Variants in PRRC2A observed in about 807,000 individuals in gnomAD.
PRRC2A encodes protein PRRC2A.
Under a neutral mutation model 224.6 loss-of-function variants are expected in PRRC2A, and 59 were observed. That is an observed-to-expected ratio of 0.26 (90% confidence interval 0.21 to 0.33). The LOEUF (loss-of-function observed/expected upper bound fraction) is 0.33. Ranked by LOEUF, PRRC2A falls within the 10% of genes least tolerant of loss-of-function variation. PRRC2A has a pLI of 1.00. For missense variants in PRRC2A, 3,095 were observed against 2,880.7 expected, an observed-to-expected ratio of 1.07 and a Z score of -1.70; for synonymous variants, 1,194 against 1,109.5, an observed-to-expected ratio of 1.08 and a Z score of -1.51.
intron 30 of PRRC2A, 38 bp downstream of exon 30, chr6:31,637,362 G>A (rs774275864): frequency 1.1e-5 from 18 of 1,601,902 alleles, no homozygotes; most frequent in South Asian, 7.7e-5. Flanking sequence ...CTCTAAATTC[G>A]AGTTGCCACC....
chr6:31,637,544 G>A lies in PRRC2A; in HGVS notation c.6432G>A (p.Gly2144=). 6.3e-7 allele frequency: 1 copy of A among 1,592,824 alleles called. No homozygotes were observed. Among genetic ancestry groups the A allele is most frequent in the Non-Finnish European group, 8.5e-7 (1 of 1,170,384 alleles). Residue 2144 remains glycine, a synonymous_variant, in exon 31 of 31, where the codon GGG becomes GGA. Transcript: ENST00000376033. ...CCTCCCGACGGGCAGAGGAGCCTGG[G>A]TCCCGAGGGGACAAGGAGCCTGGGT... ...EGPSRRAEEP[G]SRGDKEPGLP...
At chr6:31,637,389 C>G in intron 30 of PRRC2A, 57 bp from the exon 31 acceptor site, 1 of 1,598,386 alleles carries the variant, frequency 6.3e-7, no homozygotes, top group Non-Finnish European at 8.5e-7. Context: ...CCTGTCCTTC[C>G]GTCTCATCGC....
rs1236599082 is a variant in PRRC2A, at chr6:31,634,944, A to G, written c.5127A>G (p.Arg1709=). 8 of 1,612,708 alleles carry G rather than the reference A, an allele frequency of 5.0e-6. No individual in the cohort carries two copies. Among genetic ancestry groups the G allele is most frequent in the Non-Finnish European group, 5.1e-6 (6 of 1,179,856 alleles). ...CACCTGGCTCTGAACCTCCTAGGAG[A>G]CCACCACCTGCCCCCCACGATGGGG... The part of the protein sequence containing the change: ...EGPPGSEPPR[R]PPPAPHDGDR... The change falls in exon 21 of 31, where the codon AGA becomes AGG. Residue 1709 remains arginine (R), a synonymous_variant. Coordinates refer to ENST00000376033, the MANE Select transcript of PRRC2A (RefSeq NM_004638.4).
Position 31,636,882 on chromosome 6 carries a change from T to A in PRRC2A, c.6084T>A (p.Ala2028=), listed in dbSNP as rs1487261047. 6.2e-7 allele frequency: 1 copy of A among 1,612,968 alleles called. No homozygotes were observed. Among genetic ancestry groups the A allele is most frequent in the East Asian group, 2.2e-5 (1 of 44,872 alleles). ...GCCTGGCTGTGCGGCCCCCACCTGC[T>A]CCTGCTACTCGGGTGCTGCCTTCAC... ...PPSLAVRPPP[A]PATRVLPSPA... The change falls in exon 28 of 31, where the codon GCT becomes GCA. Residue 2028 remains alanine, a synonymous_variant. Coordinates refer to ENST00000376033, the MANE Select transcript of PRRC2A (RefSeq NM_004638.4). The surrounding 1 kb of genome is among the most constrained non-coding windows in gnomAD (Gnocchi z 4.3).
intron 5 of PRRC2A, chr6:31,624,887 C>T (rs1285710429): frequency 5.7e-6 from 3 of 523,682 alleles, no homozygotes; most frequent in Non-Finnish European, 6.8e-6. Context: ...CAACCTCTGC[C>T]TCCTGGGTTC....
intron 13 of PRRC2A, 27 bp downstream of exon 13, chr6:31,629,361 G>A: frequency 6.5e-7 from 1 of 1,536,208 alleles, no homozygotes; most frequent in South Asian, 1.3e-5. Context: ...TACCCTCTAA[G>A]GGCTGCTTTT....
At position 31,631,186 on chromosome 6, in the gene PRRC2A, A is replaced by T; in HGVS notation, c.2513A>T (p.Tyr838Phe). 6.3e-7 allele frequency: 1 copy of T among 1,582,572 alleles called. No homozygotes were observed. The highest frequency in any genetic ancestry group is 8.6e-7 in the Non-Finnish European group (1 of 1,165,042). ...VPPPPPYLAS[Y>F]PGFPENGAPG... ...CCCCCACCACCCTATCTGGCCAGTT[A>T]TCCAGGCTTTCCTGAGAATGGAGCC... Residue 838 changes from tyrosine to phenylalanine, a missense_variant, in exon 16 of 31, where the codon TAT (tyrosine) becomes TTT (phenylalanine). Tyr to Phe is a conservative substitution (Grantham distance 22, BLOSUM62 3). Transcript: ENST00000376033. This position sits in a 1 kb window ranked among gnomAD's most constrained non-coding sequence, Gnocchi z 4.5.
At position 31,628,206 on chromosome 6, in the gene PRRC2A, A is replaced by G; in HGVS notation, c.1732A>G (p.Ser578Gly). The change falls in exon 12 of 31, where the codon AGC becomes GGC. Residue 578 changes from serine (S) to glycine (G), a missense_variant. Physicochemically the swap from Ser to Gly is moderately conservative, Grantham distance 56. This residue lies in a region of PRRC2A where 2,001 missense variants were observed against 1,764.9 expected (regional missense o/e 1.13). Transcript: ENST00000376033. ...TLVSGGGSTS[S>G]TSSGSFEASP... ...GGTGAGTGGTGGTGGCAGTACCAGT[A>G]GCACCAGCAGTGGCAGCTTCGAAGC... 1.9e-6 allele frequency: 3 copies of G among 1,612,440 alleles called. No homozygotes were observed. Among genetic ancestry groups the G allele is most frequent in the Non-Finnish European group, 8.5e-7 (1 of 1,179,902 alleles).
chr6:31,633,427 T>A lies in PRRC2A; in HGVS notation c.4368T>A (p.Pro1456=). ...CGGGGCTTCCCCTGCCTCCCCCACC[T>A]CCCAGCAGTTCTGCTGTCTTCCGCC... ...RPPGLPLPPP[P]PSSSAVFRLD... is the part of the protein sequence containing the mutation. Residue 1456 remains proline, a synonymous_variant, in exon 17 of 31, where the codon CCT becomes CCA. Coordinates refer to ENST00000376033, the MANE Select transcript of PRRC2A (RefSeq NM_004638.4). 6.2e-7 allele frequency: 1 copy of A among 1,612,868 alleles called. No individual in the cohort carries two copies. The highest frequency in any genetic ancestry group is 8.5e-7 in the Non-Finnish European group (1 of 1,179,996).
At position 31,632,585 on chromosome 6, in the gene PRRC2A, C is replaced by A. The variant is rs770509957; in HGVS notation, c.3912C>A (p.Ala1304=). The A allele has an allele frequency of 1.4e-5, 22 of 1,612,956 alleles. No individual in the cohort carries two copies. Among genetic ancestry groups the A allele is most frequent in the Non-Finnish European group, 1.9e-5 (22 of 1,179,932 alleles). ...CCCCAGCACCTCGCCGGGCAGCTGC[C>A]AAGTCTCCTGATCTGTCAAACCAGA... ...TVAPAPRRAA[A]KSPDLSNQNS... is the part of the protein sequence containing the mutation. The change falls in exon 16 of 31, where the codon GCC becomes GCA. Residue 1304 remains alanine (A), a synonymous_variant. Coordinates refer to ENST00000376033, the MANE Select transcript of PRRC2A (RefSeq NM_004638.4).
chr6:31,631,854 C>CGAG lies in PRRC2A; in HGVS notation c.3185_3187dup (p.Gly1062dup). 1.2e-6 allele frequency: 2 copies of CGAG among 1,607,448 alleles called. No individual in the cohort carries two copies. Among genetic ancestry groups the CGAG allele is most frequent in the Non-Finnish European group, 1.7e-6 (2 of 1,177,272 alleles). ...GGAATTCCGCAGTTACCGAGAGTTT[C>CGAG]GAGGAGATGATGGGCGTGGAGGTGG... is the stretch of plus-strand genomic sequence containing the variant. On this transcript the variant is annotated inframe_insertion, in exon 16 of 31. Coordinates refer to ENST00000376033, the MANE Select transcript of PRRC2A (RefSeq NM_004638.4). The surrounding 1 kb of genome is among the most constrained non-coding windows in gnomAD (Gnocchi z 4.5).
Position 31,625,622 on chromosome 6 carries a change from G to A in PRRC2A, c.759+11G>A. ...ATGATGCCGCCTTTCGTGAGTCTTG[G>A]TGTCTTGTCTTGGAACGATTACACT... On this transcript the variant is annotated intron_variant, in intron 7 of 30. Coordinates refer to ENST00000376033, the MANE Select transcript of PRRC2A (RefSeq NM_004638.4). This position sits in a 1 kb window ranked among gnomAD's most constrained non-coding sequence, Gnocchi z 4.1. The A allele has an allele frequency of 2.5e-6, 4 of 1,592,928 alleles. No homozygotes were observed. The South Asian group carries it at 4.6e-5, about 18-fold the overall frequency.
At chr6:31,635,502 AT>A (rs1777230425) in intron 23 of PRRC2A, 37 bp downstream of exon 23, 1 of 1,612,508 alleles carries the variant, frequency 6.2e-7, no homozygotes, top group Non-Finnish European at 8.5e-7. Flanking sequence ...AAGGCCCAAG[AT>A]TTCTGGGGAA....
In PRRC2A at chr6:31,631,335, G is replaced by A. The variant is rs540583144; in HGVS notation, c.2662G>A (p.Glu888Lys). The A allele has an allele frequency of 1.9e-6, 3 of 1,604,526 alleles. No individual in the cohort carries two copies. The highest frequency in any genetic ancestry group is 2.7e-5 in the African/African-American group (2 of 74,402). Residue 888 changes from glutamate to lysine, a missense_variant, in exon 16 of 31, where the codon GAG becomes AAG. Coordinates refer to ENST00000376033, the MANE Select transcript of PRRC2A (RefSeq NM_004638.4). The surrounding 1 kb of genome is among the most constrained non-coding windows in gnomAD (Gnocchi z 4.5). ...TPPPKKEPPK[E>K]ETAQLTGPEA... ...ACCACCCAAGAAGGAGCCCCCTAAG[G>A]AGGAGACTGCACAGCTGACGGGGCC...
Position 31,621,223 on chromosome 6 carries a change from G to T in PRRC2A, c.-101+365G>T, listed in dbSNP as rs538165418. Among the ~76,000 whole-genome samples, 28 of 147,448 alleles carry T rather than the reference G, an allele frequency of 1.9e-4. No homozygotes were observed. The South Asian group carries it at 5.9e-3, about 31-fold the overall frequency. ...CTGCCGCCCCGTGGTGGTGGGCCGCGCCCGACGGTTCTCTCGGAAGGGCGC... is the reference window on the plus strand; with the variant it reads ...CTGCCGCCCCGTGGTGGTGGGCCGCTCCCGACGGTTCTCTCGGAAGGGCGC... On this transcript the variant is annotated intron_variant, in intron 1 of 30. Coordinates refer to ENST00000376033, the MANE Select transcript of PRRC2A (RefSeq NM_004638.4).
At position 31,636,968 on chromosome 6, in the gene PRRC2A, C is replaced by G; in HGVS notation, c.6147+23C>G. On this transcript the variant is annotated intron_variant, in intron 28 of 30. Coordinates refer to ENST00000376033, the MANE Select transcript of PRRC2A (RefSeq NM_004638.4). The surrounding 1 kb of genome is among the most constrained non-coding windows in gnomAD (Gnocchi z 4.3). ...GAGGTAAGGTACAGGAACTGAGGGG[C>G]TAGGGAGCGCCAAGACTTGGGAGTA... is the stretch of plus-strand genomic sequence containing the variant. 6.2e-7 allele frequency: 1 copy of G among 1,604,616 alleles called. No homozygotes were observed. The highest frequency in any genetic ancestry group is 1.3e-5 in the African/African-American group (1 of 74,790).
In PRRC2A at chr6:31,632,149, G is replaced by A. The variant is rs1164733130; in HGVS notation, c.3476G>A (p.Arg1159Gln). The change falls in exon 16 of 31, where the codon CGA becomes CAA. Residue 1159 changes from arginine (R) to glutamine (Q), a missense_variant. By Grantham distance (43) the Arg-to-Gln change is conservative. This residue lies in a region of PRRC2A where 2,001 missense variants were observed against 1,764.9 expected (regional missense o/e 1.13). Coordinates refer to ENST00000376033, the MANE Select transcript of PRRC2A (RefSeq NM_004638.4). ...GCCCGCTTCACTGCCCGGGGTGGGC[G>A]AGTCTTCACTCCCAGAGGGGTGCCA... The part of the protein sequence containing the change: ...APARFTARGG[R>Q]VFTPRGVPSR... The A allele has an allele frequency of 1.1e-5, 18 of 1,566,848 alleles. No individual in the cohort carries two copies. Among genetic ancestry groups the A allele is most frequent in the South Asian group, 3.6e-5 (3 of 84,464 alleles).
chr6:31,623,171 C>G (rs1175769786), intron 2 of PRRC2A: 4 of 719,616 alleles, frequency 5.6e-6, no homozygotes, highest in Non-Finnish European at 1.0e-5. Flanking sequence ...TTGAGGCCAG[C>G]TTGCTTCTTG....
intron 29 of PRRC2A, 31 bp downstream of exon 29, chr6:31,637,167 A>G (rs534567264): frequency 1.2e-6 from 2 of 1,608,760 alleles, no homozygotes; most frequent in East Asian, 2.2e-5. Flanking sequence ...GGACTTTCCA[A>G]GTGCTTCCTT....
Sources: gnomAD v4.1 joint callset for allele counts (sites outside exome capture counted in the v4.1 genomes callset) on GRCh38, gnomAD v4.1.1 for gene constraint, gnomAD v4.1.1 regional missense constraint, Gnocchi (gnomAD v3.1) non-coding constraint, MANE v1.5 for transcripts, NCBI Gene and HGNC (gene_info 2026-07-23, HGNC 2026-07-21) for gene names.